The following STXBP5L variants were observed in gnomAD, a reference collection of about 807,000 sequenced individuals.
STXBP5L encodes the protein syntaxin binding protein 5L.
A neutral mutation model predicts 144.5 loss-of-function variants in STXBP5L; 65 were observed. The observed-to-expected ratio is 0.45, with a 90% confidence interval of 0.37 to 0.55. The LOEUF (loss-of-function observed/expected upper bound fraction) is 0.55. Among genes scored for constraint, STXBP5L ranks in the 20% least tolerant of loss-of-function variants. The pLI, the probability that STXBP5L is intolerant of heterozygous loss-of-function variation, is 0.00. For missense variants in STXBP5L, 1,298 were observed against 1,405.5 expected (o/e 0.92, Z 1.22); for synonymous variants, 505 against 469.6 (o/e 1.08, Z -0.97).
At chr3:120,968,926 C>G (rs778241566) in intron 3 of STXBP5L, among the ~76,000 whole-genome samples, 10 of 151,978 alleles carry the variant, frequency 6.6e-5, no homozygotes, top group Non-Finnish European at 1.0e-4. Flanking sequence ...GCCATTTTTT[C>G]TTTATCTACT....
Position 121,423,799 on chromosome 3 carries a change from G to A in STXBP5L, c.*4702G>A, listed in dbSNP as rs1038974793. 1.3e-5 allele frequency: 2 copies of A among 152,168 alleles called. No homozygotes were observed. The highest frequency in any genetic ancestry group is 2.9e-5 in the Non-Finnish European group (2 of 68,038). 9.4% of individuals were successfully genotyped at this position (152,168 alleles called of 1,614,324 possible). A position where few individuals can be genotyped will look rare whatever the true frequency, so the allele number is the denominator to read the frequency against. On this transcript the variant is annotated 3_prime_UTR_variant, in exon 27 of 27. Transcript: ENST00000471454. ...CTCCAGCCCCAGTTCTGAGTGGTCAGGGAAGGCAAGATGTAAGATATAGTA... is the reference window on the plus strand; with the variant it reads ...CTCCAGCCCCAGTTCTGAGTGGTCAAGGAAGGCAAGATGTAAGATATAGTA...
At chr3:121,013,280 A>AG (rs1388140973) in intron 3 of STXBP5L, among the ~76,000 whole-genome samples, 1 of 152,072 alleles carries the variant, frequency 6.6e-6, no homozygotes, top group African/African-American at 2.4e-5. Flanking sequence ...ACTACTTTCC[A>AG]CAGAGGCTGA....
intron 20 of STXBP5L, among the ~76,000 whole-genome samples, chr3:121,370,836 G>A (rs1167371268): frequency 6.6e-6 from 1 of 152,162 alleles, no homozygotes; most frequent in Non-Finnish European, 1.5e-5. Context: ...AATTCTTGTA[G>A]AGTGTTTTTT....
chr3:121,350,399 CT>C (rs998970494), intron 20 of STXBP5L, among the ~76,000 whole-genome samples: 1 of 152,092 alleles, frequency 6.6e-6, no homozygotes, highest in Non-Finnish European at 1.5e-5. Flanking sequence ...ACATTTTTTC[CT>C]TCATTTCAAC....
At chr3:121,318,747 G>C (rs1476011368) in intron 20 of STXBP5L, among the ~76,000 whole-genome samples, 2 of 152,038 alleles carry the variant, frequency 1.3e-5, no homozygotes, top group Non-Finnish European at 2.9e-5. Context: ...ATAAAATTAA[G>C]ATCAGAGGTA....
At chr3:121,033,464 T>C (rs1326192967) in intron 3 of STXBP5L, among the ~76,000 whole-genome samples, 1 of 139,902 alleles carries the variant, frequency 7.1e-6, no homozygotes, top group Admixed American at 7.3e-5. Context: ...GAGATATACC[T>C]AATGCTAGAT....
intron 20 of STXBP5L, among the ~76,000 whole-genome samples, chr3:121,367,549 CTTCTCTATTGCTGCTTTCAAGG>C (rs2045895896): frequency 7.0e-6 from 1 of 142,698 alleles, no homozygotes; most frequent in Admixed American, 7.0e-5. Flanking sequence ...TGATGAGTCA[CTTCTCTATTGCTGCTTTCAAGG>C]TTCTCTCTTT....
Position 121,413,338 on chromosome 3 carries a change from A to C in STXBP5L, c.3114+15A>C. ...ATAATCTACAGGTAGGTCAGGAGTT[A>C]CATTTATGAAAAAGACATTGGACAT... On this transcript the variant is annotated intron_variant, in intron 24 of 26. Coordinates refer to ENST00000471454, the MANE Select transcript of STXBP5L (RefSeq NM_001308330.2). The C allele has an allele frequency of 6.6e-7, 1 of 1,506,872 alleles. No homozygotes were observed. The highest frequency in any genetic ancestry group is 8.9e-7 in the Non-Finnish European group (1 of 1,128,318). The allele number at this position is 1,506,872 out of a possible 1,614,324, so 93.3% of individuals were successfully genotyped here.
intron 22 of STXBP5L, among the ~76,000 whole-genome samples, chr3:121,394,370 A>T (rs918466483): frequency 6.7e-6 from 1 of 149,302 alleles, no homozygotes. Context: ...AGTGAACAGC[A>T]ATAATTTGAC....
chr3:120,996,289 T>A (rs1943340638), intron 3 of STXBP5L, among the ~76,000 whole-genome samples: 1 of 152,010 alleles, frequency 6.6e-6, no homozygotes, highest in Admixed American at 6.6e-5. Context: ...AAGTTTACAT[T>A]TTCAATAAAA....
intron 3 of STXBP5L, among the ~76,000 whole-genome samples, chr3:121,002,744 C>T (rs1184953167): frequency 6.7e-6 from 1 of 149,354 alleles, no homozygotes. Flanking sequence ...TGTGATGTTC[C>T]CCTTCCTGTG....
At chr3:120,926,444 T>G (rs893518103) in intron 2 of STXBP5L, among the ~76,000 whole-genome samples, 1 of 151,984 alleles carries the variant, frequency 6.6e-6, no homozygotes, top group African/African-American at 2.4e-5. Context: ...CTTTTTATGT[T>G]ATTTGCGTAT....
chr3:121,226,422 G>A (rs1577253956), intron 11 of STXBP5L, among the ~76,000 whole-genome samples: 1 of 152,254 alleles, frequency 6.6e-6, no homozygotes, highest in Non-Finnish European at 1.5e-5. Context: ...AGTGAGGGGG[G>A]CCCCGTTACT....
Position 120,989,119 on chromosome 3 carries a change from G to C in STXBP5L, c.287+34082G>C, listed in dbSNP as rs998317447. Among the ~76,000 whole-genome samples, 14 of 152,136 alleles carry C rather than the reference G, an allele frequency of 9.2e-5. 1 individual carries two copies. In the East Asian group the frequency reaches 2.1e-3, roughly 23 times the overall value. ...TCTCTGCTATTGTGACTTGTGCTGTGCTAAATGTATAAGTGCAGTTATCTT... is the reference window on the plus strand; with the variant it reads ...TCTCTGCTATTGTGACTTGTGCTGTCCTAAATGTATAAGTGCAGTTATCTT... On this transcript the variant is annotated intron_variant, in intron 3 of 26. Coordinates refer to ENST00000471454, the MANE Select transcript of STXBP5L (RefSeq NM_001308330.2).
At chr3:121,056,306 G>A (rs1051274600) in intron 5 of STXBP5L, among the ~76,000 whole-genome samples, 1 of 152,120 alleles carries the variant, frequency 6.6e-6, no homozygotes. Context: ...AGAAAGCATA[G>A]AGTTGTTTTA....
intron 20 of STXBP5L, among the ~76,000 whole-genome samples, chr3:121,319,019 T>A (rs537824222): frequency 1.1e-4 from 17 of 152,154 alleles, no homozygotes; most frequent in Admixed American, 2.0e-4. Flanking sequence ...CAAGACAAAG[T>A]GTGCACCCAT....
At chr3:121,002,017 C>A (rs555237139) in intron 3 of STXBP5L, among the ~76,000 whole-genome samples, 2 of 152,256 alleles carry the variant, frequency 1.3e-5, no homozygotes, top group Admixed American at 1.3e-4. Context: ...TTTAATGAAC[C>A]TTCAAGTGCA....
At chr3:120,991,230 A>T (rs1171381231) in intron 3 of STXBP5L, among the ~76,000 whole-genome samples, 1 of 151,910 alleles carries the variant, frequency 6.6e-6, no homozygotes, top group Non-Finnish European at 1.5e-5. Context: ...ACATGAAAAA[A>T]TGCTCATCAT....
At chr3:121,078,327 C>G (rs995223825) in intron 5 of STXBP5L, among the ~76,000 whole-genome samples, 1 of 151,938 alleles carries the variant, frequency 6.6e-6, no homozygotes, top group African/African-American at 2.4e-5. Flanking sequence ...TTCACAAACC[C>G]TGAGCTAGAC....
Sources: gnomAD v4.1 joint callset for allele counts (sites outside exome capture counted in the v4.1 genomes callset) on GRCh38, gnomAD v4.1.1 for gene constraint, MANE v1.5 for transcripts, NCBI Gene and HGNC (gene_info 2026-07-23, HGNC 2026-07-21) for gene names.